The following GMEB1 variants were observed in gnomAD, a reference collection of about 807,000 sequenced individuals.
GMEB1 encodes the protein glucocorticoid modulatory element-binding protein 1.
A neutral mutation model predicts 52.4 loss-of-function variants in GMEB1; 6 were observed. That is an observed-to-expected ratio of 0.11 (90% confidence interval 0.06 to 0.23). The LOEUF is 0.23. Ranked by LOEUF, GMEB1 falls within the 10% of genes least tolerant of loss-of-function variation. The probability of loss-of-function intolerance (pLI) is 1.00; values close to 1 mark genes in which losing one functional copy is unlikely to be tolerated. For synonymous variants in GMEB1, 255 were observed against 244.9 expected (o/e 1.04, Z -0.38); for missense variants, 486 against 685.6 (o/e 0.71, Z 3.25).
intron 4 of GMEB1, among the ~76,000 whole-genome samples, chr1:28,692,455 C>T (rs1319358133): frequency 6.6e-6 from 1 of 151,750 alleles, no homozygotes; most frequent in South Asian, 2.1e-4. Flanking sequence ...TCACTTGAAC[C>T]CGGGGGCAGA....
chr1:28,709,628 G>A (rs1320542288), intron 8 of GMEB1, among the ~76,000 whole-genome samples: 1 of 152,082 alleles, frequency 6.6e-6, no homozygotes, highest in African/African-American at 2.4e-5. Context: ...AGGCTGGAGT[G>A]CAGTGGCACG....
intron 6 of GMEB1, among the ~76,000 whole-genome samples, chr1:28,698,298 G>GT (rs1670324357): frequency 6.6e-6 from 1 of 151,596 alleles, no homozygotes; most frequent in African/African-American, 2.4e-5. Flanking sequence ...GAACCTGGGA[G>GT]GCATGGGAGG....
intron 8 of GMEB1, among the ~76,000 whole-genome samples, chr1:28,707,786 G>C (rs1359301551): frequency 1.3e-5 from 2 of 152,178 alleles, no homozygotes; most frequent in African/African-American, 4.8e-5. Flanking sequence ...GTACATGTGG[G>C]AGTGCTCAGC....
intron 1 of GMEB1, among the ~76,000 whole-genome samples, chr1:28,669,247 G>C (rs6691249): frequency 0.39 from 58,541 of 151,214 alleles, 12,678 homozygotes; most frequent in East Asian, 0.76. Context: ...GACTGAGAGG[G>C]CCAGGCGCCC....
intron 5 of GMEB1, among the ~76,000 whole-genome samples, chr1:28,694,251 C>T (rs1440390569): frequency 2.8e-5 from 4 of 143,462 alleles, no homozygotes; most frequent in African/African-American, 7.8e-5. Flanking sequence ...AGTGCAGTGG[C>T]GCAGTCTCGG....
chr1:28,689,238 C>T (rs1301775170), intron 2 of GMEB1, among the ~76,000 whole-genome samples: 1 of 152,042 alleles, frequency 6.6e-6, no homozygotes, highest in Non-Finnish European at 1.5e-5. Context: ...GTTGGCCAGG[C>T]TGGTCTCGAA....
chr1:28,674,279 C>T (rs543629079), intron 1 of GMEB1, among the ~76,000 whole-genome samples: 2 of 152,170 alleles, frequency 1.3e-5, no homozygotes, highest in African/African-American at 4.8e-5. Flanking sequence ...GTCGGGGCTG[C>T]AGTGAGCCAA....
rs760371019 is a variant in GMEB1, at chr1:28,702,566, T to A, written c.727T>A (p.Ser243Thr). The A allele has an allele frequency of 3.5e-5, 56 of 1,613,142 alleles. No homozygotes were observed. Among genetic ancestry groups the A allele is most frequent in the Non-Finnish European group, 9.3e-6 (11 of 1,179,574 alleles). Residue 243 changes from serine (S) to threonine (T), a missense_variant, in exon 7 of 10, where the codon TCA (serine) becomes ACA (threonine). Physicochemically the swap from Ser to Thr is moderately conservative, Grantham distance 58. Transcript: ENST00000373816. ...TGTAAAGAAAGACTCAGAGGAAATT[T>A]CAGGTATTCTTCTATAGGGCTCAGA... ...EGVKKDSEEI[S>T]EDTLMFWKGI...
chr1:28,700,654 C>T (rs1248035366), intron 6 of GMEB1, among the ~76,000 whole-genome samples: 2 of 149,600 alleles, frequency 1.3e-5, no homozygotes, highest in African/African-American at 4.9e-5. Flanking sequence ...CACTGTACTT[C>T]AGCCTGGGCA....
At chr1:28,670,026 G>T (rs1161764579) in intron 1 of GMEB1, among the ~76,000 whole-genome samples, 1 of 152,144 alleles carries the variant, frequency 6.6e-6, no homozygotes, top group Non-Finnish European at 1.5e-5. Context: ...GCCTTGATTG[G>T]TGTCTGTTTA....
chr1:28,704,497 C>T (rs891386825), intron 8 of GMEB1, among the ~76,000 whole-genome samples, 168 bp downstream of exon 8: 1 of 152,102 alleles, frequency 6.6e-6, no homozygotes, highest in Non-Finnish European at 1.5e-5. Context: ...AGGTTCATAA[C>T]TAGGTTTTGA....
At position 28,716,745 on chromosome 1, in the gene GMEB1, G is replaced by A. The variant is rs967874787; in HGVS notation, c.*1972G>A. The A allele has an allele frequency of 2.0e-5, 3 of 150,516 alleles. No individual in the cohort carries two copies. Among genetic ancestry groups the A allele is most frequent in the African/African-American group, 7.3e-5 (3 of 41,104 alleles). The allele number at this position is 150,516 out of a possible 1,614,324, so 9.3% of individuals were successfully genotyped here. ...GGAATGTCAATAATAATGCTTTGGG[G>A]GGGGGGGTTATTTTGTTTTGTTTTG... On this transcript the variant is annotated 3_prime_UTR_variant, in exon 10 of 10. Coordinates refer to ENST00000373816, the MANE Select transcript of GMEB1 (RefSeq NM_001319674.2).
At chr1:28,671,933 A>G (rs1383076016) in intron 1 of GMEB1, among the ~76,000 whole-genome samples, 1 of 151,316 alleles carries the variant, frequency 6.6e-6, no homozygotes, top group African/African-American at 2.4e-5. Flanking sequence ...CCTGGCCAAC[A>G]TGGTGAAACC....
At chr1:28,701,959 T>C (rs551765052) in intron 6 of GMEB1, among the ~76,000 whole-genome samples, 9 of 152,340 alleles carry the variant, frequency 5.9e-5, no homozygotes, top group African/African-American at 2.2e-4. Context: ...CCATTTCTTT[T>C]ACTTTCTCTT....
intron 1 of GMEB1, among the ~76,000 whole-genome samples, chr1:28,672,604 C>T (rs933368272): frequency 3.3e-5 from 5 of 152,096 alleles, no homozygotes; most frequent in South Asian, 4.1e-4. Flanking sequence ...GGTACATGTG[C>T]ACAACGTGCA....
intron 1 of GMEB1, among the ~76,000 whole-genome samples, chr1:28,682,514 G>A (rs1669436519): frequency 6.6e-6 from 1 of 151,608 alleles, no homozygotes; most frequent in African/African-American, 2.4e-5. Flanking sequence ...CAAGCTACTT[G>A]GGGAGGGTGA....
intron 1 of GMEB1, among the ~76,000 whole-genome samples, chr1:28,675,855 C>CA (rs1484086720): frequency 1.3e-5 from 2 of 152,134 alleles, no homozygotes; most frequent in Admixed American, 6.6e-5. Context: ...CATTTACACT[C>CA]AGCTTAGAGA....
chr1:28,702,288 T>C, intron 6 of GMEB1, 150 bp from the exon 7 acceptor site: 1 of 508,918 alleles, frequency 2.0e-6, no homozygotes, highest in Non-Finnish European at 3.5e-6. Context: ...CTAGCTTACC[T>C]AAGAGTCTAG....
chr1:28,670,548 G>T (rs1045161763), intron 1 of GMEB1, among the ~76,000 whole-genome samples: 1 of 152,028 alleles, frequency 6.6e-6, no homozygotes, highest in Non-Finnish European at 1.5e-5. Context: ...GGCTGGTCTC[G>T]AACTCCCAAC....
Sources: allele counts gnomAD v4.1 joint callset (sites outside exome capture counted in the v4.1 genomes callset), GRCh38; gene constraint gnomAD v4.1.1; transcripts MANE v1.5; gene names NCBI Gene and HGNC (gene_info 2026-07-23, HGNC 2026-07-21).